The following GCC2 variants were observed in gnomAD, a reference collection of about 807,000 sequenced individuals.
GCC2 encodes GRIP and coiled-coil domain-containing protein 2.
A neutral mutation model predicts 210.6 loss-of-function variants in GCC2; 120 were observed. The observed-to-expected ratio is 0.57, with a 90% CI of 0.49 to 0.66. The LOEUF (loss-of-function observed/expected upper bound fraction) is 0.66, where lower values mean the gene tolerates loss of function less well. Among genes scored for constraint, GCC2 ranks in the 30% least tolerant of loss-of-function variants. The pLI is 0.00. For synonymous variants in GCC2, 703 were observed against 652.7 expected, an observed-to-expected ratio of 1.08 and a Z score of -1.17; for missense variants, 1,868 against 1,871.9, an observed-to-expected ratio of 1.00 and a Z score of 0.04.
Position 108,469,002 on chromosome 2 carries a change from C to G in GCC2, c.239C>G (p.Ala80Gly). 6.2e-7 allele frequency: 1 copy of G among 1,611,768 alleles called. No individual in the cohort carries two copies. The highest frequency in any genetic ancestry group is 1.1e-5 in the South Asian group (1 of 91,014). The change falls in exon 5 of 23, where the codon GCT (alanine) becomes GGT (glycine). Residue 80 changes from alanine to glycine, a missense_variant. Ala to Gly is a moderately conservative substitution (Grantham distance 60, BLOSUM62 0). Around this residue, in one of 3 missense-constraint regions of GCC2, gnomAD observed 1,847 missense variants for 1,765.2 expected, o/e 1.05. Transcript: ENST00000309863. ...TAGGCATTAACTGAACGTCTGGATG[C>G]TCTTCTTCTGGAAAAAGCAGAGACT... ...IIKALTERLDALLLEKAETEQ... is the reference protein window; with the variant it reads ...IIKALTERLDGLLLEKAETEQ...
In GCC2 at chr2:108,508,744, T is replaced by C. The variant is rs1249609067; in HGVS notation, c.*1114T>C. On this transcript the variant is annotated 3_prime_UTR_variant, in exon 23 of 23. Transcript: ENST00000309863. ...TCCTCCGAATAACCTTAGGTGGTAGTGTTACTTGCCTTTGACACCTCTGCA... is the reference window on the plus strand; with the variant it reads ...TCCTCCGAATAACCTTAGGTGGTAGCGTTACTTGCCTTTGACACCTCTGCA... 6.6e-6 allele frequency: 1 copy of C among 152,622 alleles called. No homozygotes were observed. The highest frequency in any genetic ancestry group is 1.5e-5 in the Non-Finnish European group (1 of 68,036). The allele number at this position is 152,622 out of a possible 1,614,324, so 9.5% of individuals were successfully genotyped here. A position where few individuals can be genotyped will look rare whatever the true frequency, so the allele number is the denominator to read the frequency against.
chr2:108,502,929 A>G (rs1311232137), intron 22 of GCC2, among the ~76,000 whole-genome samples: 1 of 151,608 alleles, frequency 6.6e-6, no homozygotes, highest in Non-Finnish European at 1.5e-5. Flanking sequence ...GTCTCAAAAA[A>G]AAAAAAAAAA....
chr2:108,482,324 C>T lies in GCC2; in HGVS notation c.3218C>T (p.Ala1073Val), dbSNP rs1397662496. 6.3e-7 allele frequency: 1 copy of T among 1,588,882 alleles called. No homozygotes were observed. The highest frequency in any genetic ancestry group is 8.6e-7 in the Non-Finnish European group (1 of 1,162,660). The change falls in exon 11 of 23, where the codon GCT becomes GTT. Residue 1073 changes from alanine to valine, a missense_variant. Transcript: ENST00000309863. ...TINSDNEDLL[A>V]RIETLQSNAK... ...AATTCTGATAATGAAGATCTCCTGG[C>T]TCGTATTGAGACATTACAGTCTAAT... is the stretch of plus-strand genomic sequence containing the variant.
intron 9 of GCC2, 82 bp downstream of exon 9, chr2:108,475,932 A>G (rs367891788): frequency 1.1e-5 from 8 of 699,356 alleles, no homozygotes; most frequent in East Asian, 5.7e-5. Flanking sequence ...GAAATGTAAA[A>G]CTATTGTCAA....
chr2:108,498,231 T>C (rs1682745780), intron 21 of GCC2, among the ~76,000 whole-genome samples: 1 of 131,724 alleles, frequency 7.6e-6, no homozygotes, highest in Non-Finnish European at 1.6e-5. Flanking sequence ...AGTCTCGCTC[T>C]GTCTCCAGGT....
At chr2:108,475,969 T>A in intron 9 of GCC2, 119 bp downstream of exon 9, 1 of 580,052 alleles carries the variant, frequency 1.7e-6, no homozygotes, top group Non-Finnish European at 3.0e-6. Flanking sequence ...TATTTTTTAG[T>A]AAATCTTTAT....
rs935851496 is a variant in GCC2, at chr2:108,472,171, A to G, written c.2787+55A>G. ...AATAAATTCTTAGTTCAACTCTACA[A>G]TATATACGTTAAACATTTTTACACC... On this transcript the variant is annotated intron_variant, in intron 6 of 22. Transcript: ENST00000309863. 3.3e-6 allele frequency: 4 copies of G among 1,212,362 alleles called. No homozygotes were observed. The African/African-American group carries it at 6.2e-5, about 19-fold the overall frequency. 75.1% of individuals were successfully genotyped at this position (1,212,362 alleles called of 1,614,324 possible).
chr2:108,450,958 A>T (rs926470468), intron 2 of GCC2, 70 bp from the exon 3 acceptor site: 4 of 929,586 alleles, frequency 4.3e-6, no homozygotes, highest in Non-Finnish European at 6.9e-6. Context: ...TCTAGCAGAC[A>T]TTGTTTCTTT....
In GCC2 at chr2:108,483,185, A is replaced by G. The variant is rs1433471939; in HGVS notation, c.3450+19A>G. ...TAAAAAGGTAAAATAAAACACTAGG[A>G]TCAAAATTGATGTAATATTCACATT... On this transcript the variant is annotated intron_variant, in intron 12 of 22. Coordinates refer to ENST00000309863, the MANE Select transcript of GCC2 (RefSeq NM_181453.4). 5 of 1,092,332 alleles carry G rather than the reference A, an allele frequency of 4.6e-6. No individual in the cohort carries two copies. The highest frequency in any genetic ancestry group is 7.0e-6 in the Non-Finnish European group (5 of 711,158). The allele number at this position is 1,092,332 out of a possible 1,614,324, so 67.7% of individuals were successfully genotyped here. A position where few individuals can be genotyped will look rare whatever the true frequency, so the allele number is the denominator to read the frequency against.
intron 4 of GCC2, among the ~76,000 whole-genome samples, chr2:108,460,082 C>G (rs745741233): frequency 2.0e-5 from 3 of 152,048 alleles, no homozygotes; most frequent in Non-Finnish European, 2.9e-5. Flanking sequence ...AGCTCCTGAC[C>G]TCAGGTGATC....
intron 19 of GCC2, chr2:108,493,953 T>C: frequency 1.0e-6 from 1 of 984,600 alleles, no homozygotes; most frequent in Non-Finnish European, 1.2e-6. Flanking sequence ...AATCTGAAGT[T>C]TAAAAATCTA....
At chr2:108,507,461 A>T in intron 22 of GCC2, 99 bp from the exon 23 acceptor site, 1 of 836,964 alleles carries the variant, frequency 1.2e-6, no homozygotes, top group Non-Finnish European at 1.7e-6. Flanking sequence ...ATTTGCTTAT[A>T]TTGTAGAGTG....
At chr2:108,450,306 G>T (rs1679862693) in intron 2 of GCC2, among the ~76,000 whole-genome samples, 1 of 152,144 alleles carries the variant, frequency 6.6e-6, no homozygotes, top group African/African-American at 2.4e-5. Flanking sequence ...ATTAAAGCCT[G>T]AATGTTACCC....
intron 9 of GCC2, among the ~76,000 whole-genome samples, chr2:108,480,581 T>G (rs894658841): frequency 6.6e-6 from 1 of 152,070 alleles, no homozygotes; most frequent in South Asian, 2.1e-4. Context: ...AAAAAAAATA[T>G]GAGATTATGT....
At chr2:108,458,374 C>CTTTTTTTTTTTTTTTTTTT (rs70956257) in intron 4 of GCC2, among the ~76,000 whole-genome samples, 6 of 100,310 alleles carry the variant, frequency 6.0e-5, no homozygotes, top group African/African-American at 7.8e-5. Context: ...TTGTTGCTTT[C>CTTTTTTTTTTTTTTTTTTT]TTTTTTTTTT....
intron 9 of GCC2, among the ~76,000 whole-genome samples, chr2:108,479,973 T>C: frequency 8.4e-6 from 1 of 118,868 alleles, no homozygotes. Flanking sequence ...AGAGCGAGAC[T>C]CCATCTCAAA....
At chr2:108,476,260 A>C (rs995390051) in intron 9 of GCC2, among the ~76,000 whole-genome samples, 3 of 151,974 alleles carry the variant, frequency 2.0e-5, no homozygotes, top group Non-Finnish European at 4.4e-5. Context: ...GGGTTTCACC[A>C]TGCTGGCCAG....
At chr2:108,465,218 T>A (rs1472967174) in intron 4 of GCC2, among the ~76,000 whole-genome samples, 1 of 152,236 alleles carries the variant, frequency 6.6e-6, no homozygotes, top group Non-Finnish European at 1.5e-5. Context: ...GTGTTCTCTC[T>A]TGGATGATCT....
At chr2:108,495,647 A>ATTGGATGG (rs1682615716) in intron 20 of GCC2, 162 bp downstream of exon 20, 1 of 455,730 alleles carries the variant, frequency 2.2e-6, no homozygotes, top group Admixed American at 3.6e-5. Flanking sequence ...GACAGAACTA[A>ATTGGATGG]TTGGATGGTT....
Sources: allele counts gnomAD v4.1 joint callset (sites outside exome capture counted in the v4.1 genomes callset), GRCh38; gene constraint gnomAD v4.1.1; regional missense constraint gnomAD v4.1.1; transcripts MANE v1.5; gene names NCBI Gene and HGNC (gene_info 2026-07-23, HGNC 2026-07-21).